Variants in ST3GAL1 observed in about 807,000 individuals in gnomAD.
ST3GAL1 encodes the protein ST3 beta-galactoside alpha-2,3-sialyltransferase 1, also known as CMP-N-acetylneuraminate-beta-galactosamide-alpha-2,3-sialyltransferase 1.
In ST3GAL1, 16 loss-of-function variants were observed where a neutral mutation model predicts 34.1. That is an observed-to-expected ratio of 0.47 (90% CI 0.32 to 0.71). The LOEUF is 0.71. Among genes scored for constraint, ST3GAL1 ranks in the 30% least tolerant of loss-of-function variants. The pLI is 0.04. For missense variants in ST3GAL1, 353 were observed against 447.4 expected, an observed-to-expected ratio of 0.79 and a Z score of 1.90; for synonymous variants, 191 against 184.7, an observed-to-expected ratio of 1.03 and a Z score of -0.28.
Position 133,540,782 on chromosome 8 carries a change from T to TATATATATAGACATATATATATAGAGAC in ST3GAL1, c.-429+4991_-429+4992insGTCTCTATATATATATGTCTATATATAT, listed in dbSNP as rs1563733942. ...ATATAGACATATATATATAGAGACATATATATATATAGACATATATATAGA... is the reference window on the plus strand; with the variant it reads ...ATATAGACATATATATATAGAGACATATATATATAGACATATATATATAGAGACATATATATATAGACATATATATAGA... On this transcript the variant is annotated intron_variant, in intron 2 of 9. Coordinates refer to ENST00000522652, the MANE Select transcript of ST3GAL1 (RefSeq NM_173344.3). 4.2e-3 allele frequency among the ~76,000 whole-genome samples: 87 copies of TATATATATAGACATATATATATAGAGAC among 20,668 alleles called. 1 individual carries two copies. Among genetic ancestry groups the TATATATATAGACATATATATATAGAGAC allele is most frequent in the South Asian group, 9.6e-3 (4 of 416 alleles). The allele number at this position is 20,668 out of a possible 152,430, so 13.6% of individuals were successfully genotyped here. A position where few individuals can be genotyped will look rare whatever the true frequency, so the allele number is the denominator to read the frequency against.
intron 1 of ST3GAL1, among the ~76,000 whole-genome samples, chr8:133,557,191 AG>A (rs1819063487): frequency 6.6e-6 from 1 of 152,222 alleles, no homozygotes; most frequent in Admixed American, 6.5e-5. Flanking sequence ...AAAAGAGGGG[AG>A]GCAGATGCCA....
chr8:133,506,656 G>A (rs764523095), intron 2 of ST3GAL1, among the ~76,000 whole-genome samples: 8 of 152,040 alleles, frequency 5.3e-5, no homozygotes, highest in Admixed American at 6.6e-5. Context: ...GTGGTGGTAC[G>A]CACCTGTAAT....
intron 2 of ST3GAL1, among the ~76,000 whole-genome samples, chr8:133,529,172 T>C (rs1818068502): frequency 6.6e-6 from 1 of 152,182 alleles, no homozygotes; most frequent in Non-Finnish European, 1.5e-5. Flanking sequence ...CTCCCACCAA[T>C]GGGACCGGCT....
At chr8:133,542,027 T>C (rs564564343) in intron 2 of ST3GAL1, among the ~76,000 whole-genome samples, 1 of 152,298 alleles carries the variant, frequency 6.6e-6, no homozygotes, top group East Asian at 1.9e-4. Context: ...ATGATCTGAA[T>C]GATGTGTGGA....
intron 3 of ST3GAL1, chr8:133,488,541 C>A (rs1352293478): frequency 6.6e-6 from 1 of 152,286 alleles, no homozygotes; most frequent in Non-Finnish European, 1.5e-5. Context: ...AACCTGGCAG[C>A]CTCCACAACT....
At chr8:133,552,779 G>C (rs1362754874) in intron 1 of ST3GAL1, among the ~76,000 whole-genome samples, 2 of 152,182 alleles carry the variant, frequency 1.3e-5, no homozygotes, top group Non-Finnish European at 2.9e-5. Context: ...GCTAACCACT[G>C]AGGTCTGGCT....
intron 3 of ST3GAL1, among the ~76,000 whole-genome samples, chr8:133,483,357 C>T (rs992021229): frequency 6.6e-6 from 1 of 152,036 alleles, no homozygotes; most frequent in Admixed American, 6.6e-5. Flanking sequence ...AACAAACAAA[C>T]AAAAATGCTC....
chr8:133,472,472 A>G (rs915358536), intron 5 of ST3GAL1, among the ~76,000 whole-genome samples: 13 of 152,184 alleles, frequency 8.5e-5, no homozygotes, highest in African/African-American at 3.1e-4. Context: ...GTGAAAGCCA[A>G]ACCATATCAT....
chr8:133,548,415 G>A (rs1312831434), intron 1 of ST3GAL1, among the ~76,000 whole-genome samples: 1 of 152,146 alleles, frequency 6.6e-6, no homozygotes, highest in East Asian at 1.9e-4. Flanking sequence ...GCTGGGCACT[G>A]CCCCTCGATA....
At chr8:133,480,516 C>T (rs1307113635) in intron 3 of ST3GAL1, among the ~76,000 whole-genome samples, 1 of 152,168 alleles carries the variant, frequency 6.6e-6, no homozygotes, top group South Asian at 2.1e-4. Context: ...TAGAGAAATG[C>T]CTGAGCGAAC....
chr8:133,568,816 G>A lies in ST3GAL1; in HGVS notation c.-582+2877C>T, dbSNP rs144752208. Among the ~76,000 whole-genome samples, 1,427 of 152,108 alleles carry A rather than the reference G, an allele frequency of 9.4e-3. 26 individuals carry two copies. Among genetic ancestry groups the A allele is most frequent in the African/African-American group, 0.032 (1,338 of 41,472 alleles). On this transcript the variant is annotated intron_variant, in intron 1 of 9. Coordinates refer to ENST00000522652, the MANE Select transcript of ST3GAL1 (RefSeq NM_173344.3). ...GTCCTGGCTCGGGGGCTGCTTGGTG[G>A]GGAGGGGAGACAGAGATCTACCTCA...
intron 2 of ST3GAL1, among the ~76,000 whole-genome samples, chr8:133,535,515 G>A (rs1307650319): frequency 7.4e-6 from 1 of 134,734 alleles, no homozygotes; most frequent in Non-Finnish European, 1.5e-5. Context: ...TAGCAAGAAA[G>A]TATTTTTTAA....
rs1165509852 is a variant in ST3GAL1 at position 133,537,458 on chromosome 8, G to A, written c.-429+8316C>T. Among the ~76,000 whole-genome samples the A allele has an allele frequency of 2.6e-5, 4 of 152,172 alleles. No individual in the cohort carries two copies. The East Asian group carries it at 7.7e-4, about 29-fold the overall frequency. On this transcript the variant is annotated intron_variant, in intron 2 of 9. Coordinates refer to ENST00000522652, the MANE Select transcript of ST3GAL1 (RefSeq NM_173344.3). The stretch of plus-strand genomic sequence containing the variant: ...GGGGAAGGAAGGCAGGAGAAAGTTG[G>A]AGACATCCTGTGTCCTGAGGCCTGC...
intron 1 of ST3GAL1, among the ~76,000 whole-genome samples, chr8:133,549,794 C>T (rs369040075): frequency 4.3e-4 from 65 of 152,152 alleles, no homozygotes; most frequent in African/African-American, 1.5e-3. Context: ...GAAACCCTGT[C>T]TCTACTAAAA....
chr8:133,548,112 G>A (rs1043921298), intron 1 of ST3GAL1, among the ~76,000 whole-genome samples: 8 of 152,198 alleles, frequency 5.3e-5, no homozygotes, highest in Non-Finnish European at 1.2e-4. Context: ...ACAGTTAGGA[G>A]TCAGGGTCCA....
chr8:133,465,856 T>C, intron 6 of ST3GAL1, 38 bp downstream of exon 6: 1 of 1,594,350 alleles, frequency 6.3e-7, no homozygotes, highest in South Asian at 1.1e-5. Flanking sequence ...GGCCCCTGGG[T>C]GCAGCACGGT....
chr8:133,528,098 C>T (rs1194066296), intron 2 of ST3GAL1, among the ~76,000 whole-genome samples: 6 of 152,074 alleles, frequency 3.9e-5, no homozygotes, highest in African/African-American at 1.4e-4. Flanking sequence ...TTGCTTGAAC[C>T]CGGGAGGCGG....
chr8:133,553,518 G>A (rs961448340), intron 1 of ST3GAL1, among the ~76,000 whole-genome samples: 2 of 152,206 alleles, frequency 1.3e-5, no homozygotes, highest in African/African-American at 4.8e-5. Context: ...ACTGACCAGG[G>A]TCTTGGACAA....
At chr8:133,545,999 C>G (rs1213603293) in intron 1 of ST3GAL1, 73 bp from the exon 2 acceptor site, 1 of 152,208 alleles carries the variant, frequency 6.6e-6, no homozygotes, top group African/African-American at 2.4e-5. Flanking sequence ...TAGGATGACT[C>G]AAGATAATGA....
Sources: allele counts gnomAD v4.1 joint callset (sites outside exome capture counted in the v4.1 genomes callset), GRCh38; gene constraint gnomAD v4.1.1; transcripts MANE v1.5; gene names NCBI Gene and HGNC (gene_info 2026-07-23, HGNC 2026-07-21).